Variants in MAGI2 observed in about 807,000 individuals in gnomAD.
MAGI2 encodes the protein membrane-associated guanylate kinase, WW and PDZ domain-containing protein 2.
A neutral mutation model predicts 133.3 loss-of-function variants in MAGI2; 35 were observed. The observed-to-expected ratio is 0.26, with a 90% CI of 0.20 to 0.35. The LOEUF (loss-of-function observed/expected upper bound fraction) is 0.35. Among genes scored for constraint, MAGI2 ranks in the 10% least tolerant of loss-of-function variants. The pLI, the probability that MAGI2 is intolerant of heterozygous loss-of-function variation, is 1.00. For missense variants in MAGI2, 1,636 were observed against 1,863.4 expected (o/e 0.88, Z 2.25); for synonymous variants, 729 against 710.6 (o/e 1.03, Z -0.41).
chr7:78,502,088 C>T (rs113236153), intron 4 of MAGI2, among the ~76,000 whole-genome samples: 1 of 152,086 alleles, frequency 6.6e-6, no homozygotes, highest in African/African-American at 2.4e-5. Context: ...TGAAGATATT[C>T]ATATCCTAAT....
rs1817960986 is a variant in MAGI2 at position 78,098,986 on chromosome 7, G to A, written c.3568-19901C>T. ...ATGGAGTTTTTTTTATTATTTATATGTTCTGGATAGCATTCTTTATCCCCA... is the reference window on the plus strand; with the variant it reads ...ATGGAGTTTTTTTTATTATTTATATATTCTGGATAGCATTCTTTATCCCCA... On this transcript the variant is annotated intron_variant, in intron 20 of 21. Transcript: ENST00000354212. Among the ~76,000 whole-genome samples, 6 of 151,750 alleles carry A rather than the reference G, an allele frequency of 4.0e-5. No individual in the cohort carries two copies. In the South Asian group the frequency reaches 1.3e-3, roughly 32 times the overall value.
chr7:78,820,511 T>C (rs1790006397), intron 2 of MAGI2, among the ~76,000 whole-genome samples: 1 of 151,940 alleles, frequency 6.6e-6, no homozygotes, highest in Non-Finnish European at 1.5e-5. Context: ...CTAGTAATTT[T>C]TATTTTCCAT....
chr7:79,082,116 C>T (rs1333283132), intron 1 of MAGI2, among the ~76,000 whole-genome samples: 3 of 151,994 alleles, frequency 2.0e-5, no homozygotes, highest in Non-Finnish European at 4.4e-5. Context: ...ATTCTGAATA[C>T]CACTCCATTA....
intron 2 of MAGI2, among the ~76,000 whole-genome samples, chr7:78,902,970 A>G (rs1797716616): frequency 6.6e-6 from 1 of 152,092 alleles, no homozygotes. Context: ...TTCTTCTCAG[A>G]TTCCCCCAAA....
chr7:79,365,941 G>C (rs1185985756), intron 1 of MAGI2, among the ~76,000 whole-genome samples: 1 of 143,278 alleles, frequency 7.0e-6, no homozygotes, highest in East Asian at 2.1e-4. Context: ...CAGTAAATTA[G>C]GTTGAGTGAA....
At chr7:78,378,768 T>A (rs780942085) in intron 6 of MAGI2, among the ~76,000 whole-genome samples, 2 of 152,036 alleles carry the variant, frequency 1.3e-5, no homozygotes, top group Non-Finnish European at 2.9e-5. Flanking sequence ...AGGACAGGAC[T>A]AATGGTAATC....
intron 1 of MAGI2, among the ~76,000 whole-genome samples, chr7:79,284,627 T>A (rs1375481755): frequency 1.3e-5 from 2 of 152,104 alleles, no homozygotes; most frequent in African/African-American, 4.8e-5. Context: ...ATTATTCGAT[T>A]TCAATAGGTT....
At chr7:78,468,053 T>A (rs1790821221) in intron 6 of MAGI2, among the ~76,000 whole-genome samples, 1 of 152,138 alleles carries the variant, frequency 6.6e-6, no homozygotes, top group Non-Finnish European at 1.5e-5. Flanking sequence ...ACAACTTACC[T>A]ATTCAAACAA....
chr7:78,780,686 C>T (rs1213561204), intron 2 of MAGI2, among the ~76,000 whole-genome samples: 2 of 152,180 alleles, frequency 1.3e-5, no homozygotes, highest in Admixed American at 1.3e-4. Flanking sequence ...ATGTGTGAGG[C>T]TTTCAAAGAA....
chr7:78,710,265 C>T lies in MAGI2; in HGVS notation c.419-83026G>A, dbSNP rs115225702. On this transcript the variant is annotated intron_variant, in intron 2 of 21. Transcript: ENST00000354212. ...GTCCAAATTCACACAGCTAGATAAC[C>T]ATCAAAATCAGGACTAATGCTAATT... Among the ~76,000 whole-genome samples the T allele has an allele frequency of 1.3e-3, 200 of 152,206 alleles. 2 individuals carry two copies. The highest frequency in any genetic ancestry group is 4.7e-3 in the African/African-American group (195 of 41,560).
At chr7:78,852,320 A>G (rs1331675185) in intron 2 of MAGI2, among the ~76,000 whole-genome samples, 3 of 152,044 alleles carry the variant, frequency 2.0e-5, no homozygotes, top group Non-Finnish European at 4.4e-5. Context: ...TTAGTCAACT[A>G]TATGTGTGAC....
chr7:78,026,498 G>A (rs191638791), intron 21 of MAGI2, among the ~76,000 whole-genome samples: 1 of 152,252 alleles, frequency 6.6e-6, no homozygotes. Flanking sequence ...ATCCTGTGCT[G>A]AAGACACAGA....
At chr7:78,044,408 C>T (rs940460323) in intron 21 of MAGI2, among the ~76,000 whole-genome samples, 1 of 152,118 alleles carries the variant, frequency 6.6e-6, no homozygotes, top group Non-Finnish European at 1.5e-5. Flanking sequence ...GTGTAAGGGC[C>T]ACCCACGATG....
intron 6 of MAGI2, among the ~76,000 whole-genome samples, chr7:78,451,970 A>G (rs536456925): frequency 6.6e-6 from 1 of 152,228 alleles, no homozygotes; most frequent in East Asian, 1.9e-4. Context: ...CTATCACACG[A>G]TCTTGACTTC....
intron 2 of MAGI2, among the ~76,000 whole-genome samples, chr7:78,702,271 G>C (rs1038047998): frequency 4.6e-5 from 7 of 151,938 alleles, no homozygotes; most frequent in Admixed American, 3.9e-4. Flanking sequence ...ATGCAGGAGA[G>C]CAAGGTATAC....
At chr7:79,230,538 G>T (rs1831273946) in intron 1 of MAGI2, among the ~76,000 whole-genome samples, 1 of 151,750 alleles carries the variant, frequency 6.6e-6, no homozygotes, top group African/African-American at 2.4e-5. Flanking sequence ...TTCTCTGATG[G>T]CCAGTGATGA....
chr7:78,602,432 T>G (rs954851098), intron 3 of MAGI2, among the ~76,000 whole-genome samples: 2 of 152,192 alleles, frequency 1.3e-5, no homozygotes, highest in African/African-American at 4.8e-5. Context: ...AGTGCTGGGA[T>G]TACAGGCATG....
intron 2 of MAGI2, among the ~76,000 whole-genome samples, chr7:78,819,237 G>A (rs1365439198): frequency 6.6e-6 from 1 of 152,014 alleles, no homozygotes; most frequent in Non-Finnish European, 1.5e-5. Flanking sequence ...CCTTTCATAA[G>A]GACTCATGGG....
At chr7:78,385,341 T>G (rs535010639) in intron 6 of MAGI2, among the ~76,000 whole-genome samples, 2 of 152,292 alleles carry the variant, frequency 1.3e-5, no homozygotes, top group African/African-American at 4.8e-5. Flanking sequence ...ACAGTGCCCA[T>G]CTTATCCTTG....
Sources: allele counts gnomAD v4.1 joint callset (sites outside exome capture counted in the v4.1 genomes callset), GRCh38; gene constraint gnomAD v4.1.1; transcripts MANE v1.5; gene names NCBI Gene and HGNC (gene_info 2026-07-23, HGNC 2026-07-21).